Variants in ADGRV1 observed in about 807,000 individuals in gnomAD.
ADGRV1 encodes G-protein coupled receptor 98.
A neutral mutation model predicts 596.2 loss-of-function variants in ADGRV1; 359 were observed. The observed-to-expected ratio is 0.60, with a 90% CI of 0.55 to 0.66. The LOEUF is 0.66. Among genes scored for constraint, ADGRV1 ranks in the 30% least tolerant of loss-of-function variants. The pLI is 0.00. For missense variants in ADGRV1, 7,274 were observed against 7,575.6 expected (o/e 0.96, Z 1.48); for synonymous variants, 2,681 against 2,679.2 (o/e 1.00, Z -0.02).
intron 87 of ADGRV1, among the ~76,000 whole-genome samples, chr5:91,142,528 G>A (rs940611926): frequency 6.6e-6 from 1 of 152,174 alleles, no homozygotes; most frequent in Admixed American, 6.5e-5. Flanking sequence ...TGGAGAACTT[G>A]TAAAAAGGTC....
chr5:90,611,868 A>G (rs1014096587), intron 1 of ADGRV1, among the ~76,000 whole-genome samples: 4 of 152,018 alleles, frequency 2.6e-5, no homozygotes, highest in African/African-American at 9.7e-5. Flanking sequence ...AGCTACTCTA[A>G]AAAATAAACT....
chr5:90,715,348 G>A (rs1341354810), intron 42 of ADGRV1, among the ~76,000 whole-genome samples: 5 of 152,208 alleles, frequency 3.3e-5, no homozygotes, highest in Admixed American at 2.6e-4. Context: ...CCATGACAAG[G>A]AAAGAAATCT....
At chr5:90,854,625 G>A (rs1451391233) in intron 81 of ADGRV1, among the ~76,000 whole-genome samples, 3 of 152,184 alleles carry the variant, frequency 2.0e-5, no homozygotes, top group Non-Finnish European at 4.4e-5. Flanking sequence ...ATGGCTTGAA[G>A]TACATTTTGA....
intron 85 of ADGRV1, among the ~76,000 whole-genome samples, chr5:91,026,458 C>T (rs557691287): frequency 1.2e-4 from 18 of 152,164 alleles, no homozygotes; most frequent in Non-Finnish European, 2.5e-4. Context: ...TACATTCCAA[C>T]ACAGTCCTGA....
chr5:90,988,067 C>G (rs1780641591), intron 85 of ADGRV1, among the ~76,000 whole-genome samples: 4 of 152,016 alleles, frequency 2.6e-5, no homozygotes. Flanking sequence ...AGGCGGATAC[C>G]CTGAAGGGAA....
chr5:90,744,877 A>G (rs964444873), intron 50 of ADGRV1, among the ~76,000 whole-genome samples, 169 bp from the exon 51 acceptor site: 1 of 152,224 alleles, frequency 6.6e-6, no homozygotes, highest in Admixed American at 6.5e-5. Flanking sequence ...GCACTTAAAA[A>G]ATTATTATTT....
rs1754556067 is a variant in ADGRV1 at position 90,745,759 on chromosome 5, TA to T, written c.10940del (p.Asn3647MetfsTer27). The T allele has an allele frequency of 6.2e-7, 1 of 1,610,742 alleles. No homozygotes were observed. ...NDSVTITILS[N>X]DDAYGIVAFA... ...ATTCTGTAACAATAACCATTCTGTCTAATGATGATGCCTATGGAATTGTTGC... is the reference window on the plus strand; with the variant it reads ...ATTCTGTAACAATAACCATTCTGTCTATGATGATGCCTATGGAATTGTTGC... On this transcript the variant is annotated frameshift_variant, in exon 52 of 90. Transcript: ENST00000405460. LOFTEE classifies it high-confidence loss of function.
At chr5:90,667,859 G>A (rs866938980) in intron 21 of ADGRV1, among the ~76,000 whole-genome samples, 1,820 of 151,752 alleles carry the variant, frequency 0.012, 32 homozygotes, top group African/African-American at 0.042. Context: ...GGCTGTTGGA[G>A]TACCCTGCCG....
Position 90,808,952 on chromosome 5 carries a change from T to TG in ADGRV1, c.14972+1215_14972+1216insG, listed in dbSNP as rs896584265. ...GCTTACCCTAGGCCAGGCATAAATG[T>TG]TTTTTTTTTTTTGAGATGGAGACTC... is the stretch of plus-strand genomic sequence containing the variant. On this transcript the variant is annotated intron_variant, in intron 73 of 89. Transcript: ENST00000405460. 2.2e-4 allele frequency among the ~76,000 whole-genome samples: 4 copies of TG among 18,342 alleles called. No homozygotes were observed. In the Admixed American group the frequency reaches 0.011, roughly 49 times the overall value. The allele number at this position is 18,342 out of a possible 152,430, so 12.0% of individuals were successfully genotyped here.
intron 53 of ADGRV1, 69 bp downstream of exon 53, chr5:90,750,766 C>A: frequency 1.6e-6 from 2 of 1,217,396 alleles, no homozygotes; most frequent in Non-Finnish European, 2.4e-6. Context: ...GGGACCAAAT[C>A]CTGCCTTATG....
At chr5:90,985,025 C>G (rs181106303) in intron 84 of ADGRV1, among the ~76,000 whole-genome samples, 130 of 152,252 alleles carry the variant, frequency 8.5e-4, no homozygotes, top group African/African-American at 3.1e-3. Context: ...GAGTATGTTT[C>G]TTCAAAGACA....
intron 87 of ADGRV1, among the ~76,000 whole-genome samples, chr5:91,127,028 C>T (rs1173755176): frequency 6.6e-6 from 1 of 152,142 alleles, no homozygotes. Context: ...CCAAATAATA[C>T]ACAAGGTCAC....
At chr5:91,000,398 C>T (rs1781755509) in intron 85 of ADGRV1, among the ~76,000 whole-genome samples, 1 of 152,082 alleles carries the variant, frequency 6.6e-6, no homozygotes, top group Non-Finnish European at 1.5e-5. Flanking sequence ...TTCTACTTCA[C>T]AGATCCCTTG....
chr5:90,774,379 C>A, intron 60 of ADGRV1, 76 bp downstream of exon 60: 1 of 781,666 alleles, frequency 1.3e-6, no homozygotes, highest in Non-Finnish European at 2.2e-6. Context: ...CCCGTAGTTA[C>A]AAAAATGGAC....
In ADGRV1 at chr5:90,625,115, T is replaced by G. The variant is rs989503177; in HGVS notation, c.559-15T>G. On this transcript the variant is annotated splice_polypyrimidine_tract_variant and intron_variant, in intron 5 of 89. Coordinates refer to ENST00000405460, the MANE Select transcript of ADGRV1 (RefSeq NM_032119.4). ...TATTTTGCATTTATTGATGGCATTTTGTGTTTCTTTGCAGGTAGAGGGTGG... is the reference window on the plus strand; with the variant it reads ...TATTTTGCATTTATTGATGGCATTTGGTGTTTCTTTGCAGGTAGAGGGTGG... 2 of 1,495,096 alleles carry G rather than the reference T, an allele frequency of 1.3e-6. No homozygotes were observed. The highest frequency in any genetic ancestry group is 1.9e-6 in the Non-Finnish European group (2 of 1,075,846). 92.6% of individuals were successfully genotyped at this position (1,495,096 alleles called of 1,614,324 possible).
At chr5:90,833,957 A>T (rs1313946683) in intron 77 of ADGRV1, among the ~76,000 whole-genome samples, 1 of 152,176 alleles carries the variant, frequency 6.6e-6, no homozygotes, top group African/African-American at 2.4e-5. Flanking sequence ...AAATGATGTC[A>T]TCTTATTACA....
At chr5:90,703,263 G>A (rs903409843) in intron 34 of ADGRV1, among the ~76,000 whole-genome samples, 16 of 152,014 alleles carry the variant, frequency 1.1e-4, no homozygotes, top group Admixed American at 1.0e-3. Context: ...AAATCACATT[G>A]CATATCAGTG....
chr5:90,841,766 C>G (rs1765452920), intron 78 of ADGRV1, among the ~76,000 whole-genome samples: 1 of 152,158 alleles, frequency 6.6e-6, no homozygotes, highest in South Asian at 2.1e-4. Context: ...ACATCTCTTA[C>G]ATAATGACCT....
intron 1 of ADGRV1, among the ~76,000 whole-genome samples, chr5:90,596,982 C>T (rs895881872): frequency 6.6e-6 from 1 of 152,098 alleles, no homozygotes; most frequent in East Asian, 1.9e-4. Context: ...AATAATATTA[C>T]AGGTGATTTA....
Sources: allele counts gnomAD v4.1 joint callset (sites outside exome capture counted in the v4.1 genomes callset), GRCh38; gene constraint gnomAD v4.1.1; transcripts MANE v1.5; gene names NCBI Gene and HGNC (gene_info 2026-07-23, HGNC 2026-07-21).